The following KBTBD3 variants were observed in gnomAD, a reference collection of about 807,000 sequenced individuals.
The protein encoded by KBTBD3 is kelch repeat and BTB domain-containing protein 3.
KBTBD3 carries 38 observed loss-of-function variants against 49.6 expected under a neutral mutation model. That is an observed-to-expected ratio of 0.77 (90% CI 0.59 to 1.00). KBTBD3 has a LOEUF of 1.00. Ranked by LOEUF, KBTBD3 falls within the 50% of genes least tolerant of loss-of-function variation. The pLI is 0.00. For missense variants in KBTBD3, 661 were observed against 712.0 expected, an observed-to-expected ratio of 0.93 and a Z score of 0.81; for synonymous variants, 214 against 250.4, an observed-to-expected ratio of 0.85 and a Z score of 1.37.
chr11:106,058,180 T>G, intron 3 of KBTBD3: 2 of 327,326 alleles, frequency 6.1e-6, no homozygotes, highest in Non-Finnish European at 1.1e-5. Flanking sequence ...GTCAGGAGAT[T>G]GAGACCATCC....
chr11:106,060,327 A>G (rs1440880169), intron 2 of KBTBD3, among the ~76,000 whole-genome samples: 1 of 152,094 alleles, frequency 6.6e-6, no homozygotes, highest in African/African-American at 2.4e-5. Context: ...GGATAACTGT[A>G]AAATAACTAT....
At chr11:106,056,961 G>A (rs2155345) in intron 3 of KBTBD3, among the ~76,000 whole-genome samples, 2 of 151,662 alleles carry the variant, frequency 1.3e-5, no homozygotes, top group African/African-American at 2.4e-5. Flanking sequence ...AGGGCCCCAG[G>A]GAAGTTCAAA....
In KBTBD3 at chr11:106,071,872, G is replaced by A. The variant is rs183231628; in HGVS notation, c.-13+4635C>T. 3.2e-3 allele frequency among the ~76,000 whole-genome samples: 483 copies of A among 152,120 alleles called. 4 individuals are homozygous for A. In the Middle Eastern group the frequency reaches 0.034, roughly 11 times the overall value. The stretch of plus-strand genomic sequence containing the variant: ...ATACAATGAATATTAAGTTAATATC[G>A]TCAAATTATATGTAAATATTAATGA... On this transcript the variant is annotated intron_variant, in intron 2 of 3. Transcript: ENST00000531837.
In KBTBD3 at chr11:106,054,026, A is replaced by C. The variant is rs748667483; in HGVS notation, c.663T>G (p.Ser221Arg). 3 of 1,613,826 alleles carry C rather than the reference A, an allele frequency of 1.9e-6. No individual in the cohort carries two copies. Among genetic ancestry groups the C allele is most frequent in the Non-Finnish European group, 2.5e-6 (3 of 1,179,864 alleles). ...TTGATTCTAAGTTATGTTTAGTCCAACTAAGGACAACTTTCAGTACCATTT... is the reference window on the plus strand; with the variant it reads ...TTGATTCTAAGTTATGTTTAGTCCACCTAAGGACAACTTTCAGTACCATTT... ...EEEMVLKVVL[S>R]WTKHNLESRQ... is the part of the protein sequence containing the mutation. Residue 221 changes from serine to arginine, a missense_variant, in exon 4 of 4, where the codon AGT becomes AGG. Transcript: ENST00000531837.
intron 2 of KBTBD3, among the ~76,000 whole-genome samples, chr11:106,061,829 C>T (rs1050876843): frequency 2.6e-5 from 4 of 151,722 alleles, no homozygotes; most frequent in African/African-American, 9.7e-5. Context: ...AGTAAAAATA[C>T]CTATACATAT....
chr11:106,066,259 C>T (rs763540995), intron 2 of KBTBD3, among the ~76,000 whole-genome samples: 67 of 152,146 alleles, frequency 4.4e-4, no homozygotes, highest in African/African-American at 1.4e-4. Flanking sequence ...CAAATGGTTC[C>T]GTTTCTAGCC....
rs1860455778 is a variant in KBTBD3, at chr11:106,053,043, A to T, written c.1646T>A (p.Ile549Asn). 6.2e-7 allele frequency: 1 copy of T among 1,613,682 alleles called. No homozygotes were observed. The highest frequency in any genetic ancestry group is 1.3e-5 in the African/African-American group (1 of 75,020). Residue 549 changes from isoleucine (I) to asparagine (N), a missense_variant, in exon 4 of 4, where the codon ATT becomes AAT. Ile to Asn is a moderately radical substitution (Grantham distance 149, BLOSUM62 -3). Coordinates refer to ENST00000531837, the MANE Select transcript of KBTBD3 (RefSeq NM_198439.3). ...CAGFNAGAIG[I>N]EDKIYILGGD... is the part of the protein sequence containing the mutation. ...ACCTAATATATAAATTTTATCTTCA[A>T]TTCCAATTGCACCTGCATTAAAGCC...
intron 3 of KBTBD3, among the ~76,000 whole-genome samples, chr11:106,054,777 A>G (rs1463275829): frequency 6.6e-6 from 1 of 151,938 alleles, no homozygotes; most frequent in Non-Finnish European, 1.5e-5. Flanking sequence ...TGATGGCCAA[A>G]TTTCTTTATT....
intron 3 of KBTBD3, among the ~76,000 whole-genome samples, chr11:106,056,410 T>C (rs894169985): frequency 6.6e-6 from 1 of 152,162 alleles, no homozygotes; most frequent in Non-Finnish European, 1.5e-5. Flanking sequence ...AAAAATTATA[T>C]GTAAATTGAA....
chr11:106,062,766 G>C (rs1591536269), intron 2 of KBTBD3, among the ~76,000 whole-genome samples: 1 of 152,284 alleles, frequency 6.6e-6, no homozygotes, highest in African/African-American at 2.4e-5. Context: ...AGATGGCCCA[G>C]GCAAGCTTAT....
At chr11:106,074,115 C>CG (rs929361000) in intron 2 of KBTBD3, among the ~76,000 whole-genome samples, 109 of 83,790 alleles carry the variant, frequency 1.3e-3, no homozygotes, top group South Asian at 4.2e-3. Flanking sequence ...GCCGAACACC[C>CG]CCCCCCACAC....
At chr11:106,059,308 G>C (rs1329308458) in intron 2 of KBTBD3, among the ~76,000 whole-genome samples, 199 bp from the exon 3 acceptor site, 3 of 152,036 alleles carry the variant, frequency 2.0e-5, no homozygotes, top group Non-Finnish European at 4.4e-5. Context: ...GAGCTCATTG[G>C]AATAAAAGTA....
At position 106,054,194 on chromosome 11, in the gene KBTBD3, G is replaced by A. The variant is rs778918251; in HGVS notation, c.495C>T (p.Gly165=). Residue 165 remains glycine, a synonymous_variant, in exon 4 of 4, where the codon GGC becomes GGT. Coordinates refer to ENST00000531837, the MANE Select transcript of KBTBD3 (RefSeq NM_198439.3). ...ATGCATGATCAAACAAACTGGTGGAGCCATAGCTATCTGATATAGATAATA... is the reference window on the plus strand; with the variant it reads ...ATGCATGATCAAACAAACTGGTGGAACCATAGCTATCTGATATAGATAATA... ...LQLLSISDSY[G]STSLFDHALH... is the part of the protein sequence containing the mutation. 13 of 1,612,732 alleles carry A rather than the reference G, an allele frequency of 8.1e-6. No individual in the cohort carries two copies. The African/African-American group carries it at 1.5e-4, about 18-fold the overall frequency.
intron 2 of KBTBD3, 99 bp from the exon 3 acceptor site, chr11:106,059,208 T>G: frequency 3.3e-6 from 2 of 606,658 alleles, no homozygotes; most frequent in South Asian, 4.2e-5. Flanking sequence ...AAATAACCAC[T>G]AAGAAAAATA....
At chr11:106,062,476 T>C (rs1860721700) in intron 2 of KBTBD3, among the ~76,000 whole-genome samples, 1 of 152,166 alleles carries the variant, frequency 6.6e-6, no homozygotes, top group Admixed American at 6.5e-5. Context: ...GCCAATGGTG[T>C]AAGTTTCAAT....
rs201607922 is a variant in KBTBD3 at position 106,054,605 on chromosome 11, TATATA to T, written c.234-155_234-151del. ...CCTCCTAATTAATATCTAGAATAATTATATAATATATTATTTATCTGCCAACAAAC... is the reference window on the plus strand; with the variant it reads ...CCTCCTAATTAATATCTAGAATAATTATATATTATTTATCTGCCAACAAAC... On this transcript the variant is annotated intron_variant, in intron 3 of 3. Coordinates refer to ENST00000531837, the MANE Select transcript of KBTBD3 (RefSeq NM_198439.3). 2.4e-3 allele frequency: 953 copies of T among 391,548 alleles called. 7 individuals carry two copies. The highest frequency in any genetic ancestry group is 0.014 in the African/African-American group (654 of 48,148). The allele number at this position is 391,548 out of a possible 1,614,324, so 24.3% of individuals were successfully genotyped here.
In KBTBD3 at chr11:106,051,115, A is replaced by C; in HGVS notation, c.*1735T>G. 1 of 152,072 alleles carries C rather than the reference A, an allele frequency of 6.6e-6. No homozygotes were observed. The highest frequency in any genetic ancestry group is 3.4e-3 in the Middle Eastern group (1 of 294). 9.4% of individuals were successfully genotyped at this position (152,072 alleles called of 1,614,324 possible). On this transcript the variant is annotated 3_prime_UTR_variant, in exon 4 of 4. Transcript: ENST00000531837. ...TCCTAAAGTCAGTGATGAAAACAATATTTATTTTAAACATACTCTATTAAT... is the reference window on the plus strand; with the variant it reads ...TCCTAAAGTCAGTGATGAAAACAATCTTTATTTTAAACATACTCTATTAAT...
At chr11:106,076,949 C>A (rs1450012062) in intron 1 of KBTBD3, among the ~76,000 whole-genome samples, 1 of 152,186 alleles carries the variant, frequency 6.6e-6, no homozygotes, top group African/African-American at 2.4e-5. Context: ...CTCAGCTGCT[C>A]GCTGGCAGCC....
At chr11:106,054,813 C>T (rs1285654066) in intron 3 of KBTBD3, among the ~76,000 whole-genome samples, 2 of 151,856 alleles carry the variant, frequency 1.3e-5, no homozygotes, top group African/African-American at 4.8e-5. Context: ...AACAGCTGTG[C>T]TGGTGATAAC....
Sources: allele counts gnomAD v4.1 joint callset (sites outside exome capture counted in the v4.1 genomes callset), GRCh38; gene constraint gnomAD v4.1.1; transcripts MANE v1.5; gene names NCBI Gene and HGNC (gene_info 2026-07-23, HGNC 2026-07-21).